The following ABI3BP variants were observed in gnomAD, a reference collection of about 807,000 sequenced individuals.
ABI3BP encodes the protein target of Nesh-SH3.
In ABI3BP, 216 loss-of-function variants were observed where a neutral mutation model predicts 268.6. The observed-to-expected ratio is 0.80, with a 90% CI of 0.72 to 0.90. The LOEUF (loss-of-function observed/expected upper bound fraction) is 0.90, where lower values mean the gene tolerates loss of function less well. Among genes scored for constraint, ABI3BP ranks in the 40% least tolerant of loss-of-function variants. The probability of loss-of-function intolerance (pLI) is 0.00; values close to 1 mark genes in which losing one functional copy is unlikely to be tolerated. For missense variants in ABI3BP, 2,090 were observed against 2,182.4 expected (o/e 0.96, Z 0.84); for synonymous variants, 730 against 730.0 (o/e 1.00, Z 0.00).
At chr3:100,953,176 C>T (rs1057368300) in intron 1 of ABI3BP, among the ~76,000 whole-genome samples, 3 of 152,162 alleles carry the variant, frequency 2.0e-5, no homozygotes, top group African/African-American at 7.2e-5. Flanking sequence ...AAAGGCTTGG[C>T]CTGAAAAGAC....
Position 100,774,691 on chromosome 3 carries a change from T to A in ABI3BP, c.4463-18A>T. 6.5e-7 allele frequency: 1 copy of A among 1,530,308 alleles called. No individual in the cohort carries two copies. The highest frequency in any genetic ancestry group is 8.8e-7 in the Non-Finnish European group (1 of 1,132,074). The allele number at this position is 1,530,308 out of a possible 1,614,324, so 94.8% of individuals were successfully genotyped here. A position where few individuals can be genotyped will look rare whatever the true frequency, so the allele number is the denominator to read the frequency against. On this transcript the variant is annotated intron_variant, in intron 60 of 67. Transcript: ENST00000471714. ...TATATTTTCTGAGAATGGAAAATAA[T>A]GAACAGTTTTGGCAAAAGATAAAAA...
At chr3:100,958,260 GT>G (rs1302106635) in intron 1 of ABI3BP, among the ~76,000 whole-genome samples, 37 of 152,304 alleles carry the variant, frequency 2.4e-4, no homozygotes, top group African/African-American at 8.7e-4. Flanking sequence ...GCTAAAAACA[GT>G]AAGTTGACTA....
chr3:100,809,648 A>G (rs1249997598), intron 49 of ABI3BP, among the ~76,000 whole-genome samples: 1 of 152,086 alleles, frequency 6.6e-6, no homozygotes, highest in African/African-American at 2.4e-5. Context: ...GACAATGAGT[A>G]AACTTAAAAT....
intron 6 of ABI3BP, among the ~76,000 whole-genome samples, chr3:100,884,781 C>G (rs1180399725): frequency 6.6e-6 from 1 of 151,876 alleles, no homozygotes; most frequent in Non-Finnish European, 1.5e-5. Context: ...CTCTGTCTGC[C>G]CAGTAATATA....
At chr3:100,977,696 C>T (rs1562242954) in intron 1 of ABI3BP, among the ~76,000 whole-genome samples, 1 of 152,162 alleles carries the variant, frequency 6.6e-6, no homozygotes, top group Non-Finnish European at 1.5e-5. Flanking sequence ...TCACTTTTTC[C>T]ATATTTAATG....
intron 1 of ABI3BP, among the ~76,000 whole-genome samples, chr3:100,959,257 G>A (rs530820333): frequency 3.9e-5 from 6 of 151,946 alleles, no homozygotes; most frequent in Admixed American, 6.6e-5. Flanking sequence ...TTGGGAGGCC[G>A]AGGCGGGCGG....
rs1284372971 is a variant in ABI3BP, at chr3:100,816,727, TG to T, written c.3189del (p.Thr1065LeufsTer34). ...TQRTRRPRPR[P>X]KTTSSPEVPQ... ...GGTACTTCAGGACTTGATGTAGTTT[TG>T]GGTCTGGGACGGGGACGACGTGTCC... On this transcript the variant is annotated frameshift_variant, in exon 43 of 68. Transcript: ENST00000471714. LOFTEE classifies it high-confidence loss of function. 6 of 1,535,888 alleles carry T rather than the reference TG, an allele frequency of 3.9e-6. No homozygotes were observed. The African/African-American group carries it at 6.8e-5, about 17-fold the overall frequency.
intron 21 of ABI3BP, among the ~76,000 whole-genome samples, chr3:100,841,184 C>T (rs1579980449): frequency 1.9e-5 from 2 of 103,860 alleles, no homozygotes; most frequent in South Asian, 6.5e-4. Context: ...GCTAAGATGG[C>T]ATTAGAACAC....
At chr3:100,968,162 T>C (rs1379611465) in intron 1 of ABI3BP, among the ~76,000 whole-genome samples, 1 of 152,210 alleles carries the variant, frequency 6.6e-6, no homozygotes, top group East Asian at 1.9e-4. Context: ...TTTTATTCTA[T>C]TACTATAATA....
At chr3:100,781,654 G>T (rs1424663453) in intron 57 of ABI3BP, among the ~76,000 whole-genome samples, 1 of 152,108 alleles carries the variant, frequency 6.6e-6, no homozygotes, top group Non-Finnish European at 1.5e-5. Flanking sequence ...CCGAGGTTTG[G>T]TTTACCACGA....
chr3:100,933,711 A>G (rs2064702918), intron 1 of ABI3BP, among the ~76,000 whole-genome samples: 1 of 151,796 alleles, frequency 6.6e-6, no homozygotes, highest in Admixed American at 6.6e-5. Flanking sequence ...AGAAAGAAAA[A>G]ACATGAAAAA....
In ABI3BP at chr3:100,804,792, C is replaced by G. The variant is rs781034512; in HGVS notation, c.3757G>C (p.Ala1253Pro). Residue 1253 changes from alanine to proline, a missense_variant and splice_region_variant, in exon 51 of 68, where the codon GCT becomes CCT. Transcript: ENST00000471714. ...PSPEVSYTTPAPKDVLLPHKP... is the reference protein window; with the variant it reads ...PSPEVSYTTPPPKDVLLPHKP... ...CTTAAACATGAAATAAAGCATTTAC[C>G]AGGTGTGGTGTATGACACTTCTGGA... The G allele has an allele frequency of 1.2e-6, 2 of 1,612,554 alleles. No homozygotes were observed. The highest frequency in any genetic ancestry group is 4.5e-5 in the East Asian group (2 of 44,826).
intron 1 of ABI3BP, among the ~76,000 whole-genome samples, chr3:100,971,477 G>A (rs1408029240): frequency 6.6e-6 from 1 of 152,184 alleles, no homozygotes. Context: ...CAAGCATGGT[G>A]ATGGGATAGT....
At chr3:100,752,714 G>T in intron 66 of ABI3BP, 73 bp downstream of exon 66, 1 of 1,520,104 alleles carries the variant, frequency 6.6e-7, no homozygotes. Flanking sequence ...CTTAAGAAAA[G>T]GCCAAGTTGT....
At chr3:100,788,193 A>T (rs1317996117) in intron 56 of ABI3BP, among the ~76,000 whole-genome samples, 13 of 152,176 alleles carry the variant, frequency 8.5e-5, no homozygotes, top group Non-Finnish European at 4.4e-5. Context: ...CAAGGCCTCC[A>T]TTCATAAGTT....
intron 63 of ABI3BP, among the ~76,000 whole-genome samples, chr3:100,755,598 G>A (rs1346029565): frequency 2.0e-5 from 3 of 152,182 alleles, no homozygotes; most frequent in East Asian, 1.9e-4. Context: ...TATAAGTTCC[G>A]TTGATTGTAT....
In ABI3BP at chr3:100,753,094, A is replaced by G. The variant is rs556498523; in HGVS notation, c.4961-146T>C. On this transcript the variant is annotated intron_variant, in intron 65 of 67. Coordinates refer to ENST00000471714, the MANE Select transcript of ABI3BP (RefSeq NM_001375547.2). ...AGCCAAAAATATTAGAGGGATTTAA[A>G]CAAGTAAACCCCAGAGTAAGTTTCT... The G allele has an allele frequency of 2.4e-5, 16 of 679,550 alleles. No homozygotes were observed. The South Asian group carries it at 3.0e-4, about 13-fold the overall frequency. 42.1% of individuals were successfully genotyped at this position (679,550 alleles called of 1,614,324 possible). A position where few individuals can be genotyped will look rare whatever the true frequency, so the allele number is the denominator to read the frequency against.
intron 14 of ABI3BP, among the ~76,000 whole-genome samples, chr3:100,853,552 C>G (rs1405555441): frequency 6.6e-6 from 1 of 152,180 alleles, no homozygotes; most frequent in Non-Finnish European, 1.5e-5. Flanking sequence ...TGAAAAATGT[C>G]ATGACTGTCT....
At chr3:100,851,638 T>C (rs1208554679) in intron 15 of ABI3BP, among the ~76,000 whole-genome samples, 1 of 152,232 alleles carries the variant, frequency 6.6e-6, no homozygotes, top group African/African-American at 2.4e-5. Flanking sequence ...TTTTCCTCAG[T>C]GGCAACCAAA....
Sources: gnomAD v4.1 joint callset for allele counts (sites outside exome capture counted in the v4.1 genomes callset) on GRCh38, gnomAD v4.1.1 for gene constraint, MANE v1.5 for transcripts, NCBI Gene and HGNC (gene_info 2026-07-23, HGNC 2026-07-21) for gene names.